NR3C2: variants seen among roughly 807,000 people sequenced by gnomAD.
NR3C2 encodes the protein nuclear receptor subfamily 3 group C member 2.
Under a neutral mutation model 86.4 loss-of-function variants are expected in NR3C2, and 15 were observed. That is an observed-to-expected ratio of 0.17 (90% confidence interval 0.12 to 0.27). The LOEUF (loss-of-function observed/expected upper bound fraction) is 0.27. Ranked by LOEUF, NR3C2 falls within the 10% of genes least tolerant of loss-of-function variation. The pLI, the probability that NR3C2 is intolerant of heterozygous loss-of-function variation, is 1.00. For missense variants in NR3C2, 960 were observed against 1,195.6 expected, an observed-to-expected ratio of 0.80 and a Z score of 2.91; for synonymous variants, 458 against 450.5, an observed-to-expected ratio of 1.02 and a Z score of -0.21.
chr4:148,323,734 C>T (rs1361478230), intron 2 of NR3C2, among the ~76,000 whole-genome samples: 8 of 152,250 alleles, frequency 5.3e-5, no homozygotes, highest in East Asian at 1.9e-4. Context: ...CGCCCTGCTT[C>T]GGCTCGCACA....
intron 2 of NR3C2, among the ~76,000 whole-genome samples, chr4:148,373,178 C>T (rs1348050117): frequency 6.6e-6 from 1 of 152,184 alleles, no homozygotes; most frequent in Non-Finnish European, 1.5e-5. Flanking sequence ...GCTGATGGCA[C>T]TCTTCCTTCT....
In NR3C2 at chr4:148,184,739, C is replaced by A. The variant is rs540869280; in HGVS notation, c.2014+10007G>T. Among the ~76,000 whole-genome samples the A allele has an allele frequency of 2.6e-5, 4 of 152,256 alleles. No individual in the cohort carries two copies. In the South Asian group the frequency reaches 8.3e-4, roughly 32 times the overall value. ...ACAACCAATGGCTGTACCCTTGTGTCATCTAGATTTTAAATTATTAATAAT... is the reference window on the plus strand; with the variant it reads ...ACAACCAATGGCTGTACCCTTGTGTAATCTAGATTTTAAATTATTAATAAT... On this transcript the variant is annotated intron_variant, in intron 4 of 8. Transcript: ENST00000358102.
chr4:148,156,178 T>A (rs1578950791), intron 4 of NR3C2, among the ~76,000 whole-genome samples: 2 of 152,074 alleles, frequency 1.3e-5, no homozygotes, highest in Admixed American at 6.6e-5. Context: ...AACCTAGGCA[T>A]TACCATTCAG....
At chr4:148,405,120 TA>T (rs1399583259) in intron 2 of NR3C2, among the ~76,000 whole-genome samples, 3 of 152,160 alleles carry the variant, frequency 2.0e-5, no homozygotes, top group Non-Finnish European at 2.9e-5. Flanking sequence ...AAAATAAACT[TA>T]TTTTTCTTAA....
chr4:148,310,514 A>G (rs1742853565), intron 2 of NR3C2, among the ~76,000 whole-genome samples: 1 of 152,212 alleles, frequency 6.6e-6, no homozygotes, highest in African/African-American at 2.4e-5. Flanking sequence ...AAAGGCGATT[A>G]TAAGATCTTT....
intron 2 of NR3C2, among the ~76,000 whole-genome samples, chr4:148,406,777 T>C (rs971510855): frequency 6.6e-5 from 10 of 152,192 alleles, no homozygotes; most frequent in African/African-American, 2.4e-5. Flanking sequence ...AAACAATTCA[T>C]TGCTGTCCAA....
intron 2 of NR3C2, among the ~76,000 whole-genome samples, chr4:148,321,801 C>G (rs545554485): frequency 6.6e-6 from 1 of 152,318 alleles, no homozygotes; most frequent in South Asian, 2.1e-4. Flanking sequence ...TTCCTGAATA[C>G]AGCACACTGT....
upstream of NR3C2, chr4:148,443,018 C>T (rs553002422): frequency 3.1e-6 from 3 of 979,330 alleles, no homozygotes; most frequent in Admixed American, 1.8e-4. Flanking sequence ...GGGGAGGACT[C>T]TGGGTGGGCT....
At chr4:148,331,170 T>G (rs1184840206) in intron 2 of NR3C2, among the ~76,000 whole-genome samples, 1 of 146,522 alleles carries the variant, frequency 6.8e-6, no homozygotes, top group Non-Finnish European at 1.5e-5. Flanking sequence ...ATCCATAAGG[T>G]TACTTGACAA....
rs767436437 is a variant in NR3C2, at chr4:148,120,305, GA to G, written c.2511-18del. 4.8e-5 allele frequency: 78 copies of G among 1,613,786 alleles called. No individual in the cohort carries two copies. Among genetic ancestry groups the G allele is most frequent in the Non-Finnish European group, 6.5e-5 (77 of 1,179,874 alleles). On this transcript the variant is annotated intron_variant, in intron 6 of 8. Coordinates refer to ENST00000358102, the MANE Select transcript of NR3C2 (RefSeq NM_000901.5). ...ATCTTCTCTCTGCAAAGGAAAAGAA[GA>G]AAATGTCTGAGAATGCAAGATTCAT...
At chr4:148,294,541 AAC>A (rs1327010905) in intron 2 of NR3C2, among the ~76,000 whole-genome samples, 9 of 140,260 alleles carry the variant, frequency 6.4e-5, no homozygotes, top group Non-Finnish European at 8.0e-5. Context: ...TCCCTCACAA[AAC>A]AGTTTTTTTT....
chr4:148,356,778 A>G (rs1208220363), intron 2 of NR3C2, among the ~76,000 whole-genome samples: 6 of 152,190 alleles, frequency 3.9e-5, no homozygotes, highest in Non-Finnish European at 7.3e-5. Context: ...ACTTTCCCAC[A>G]ACTCTCTGAT....
chr4:148,290,634 C>G (rs1316997885), intron 2 of NR3C2, among the ~76,000 whole-genome samples: 2 of 152,112 alleles, frequency 1.3e-5, no homozygotes, highest in African/African-American at 4.8e-5. Context: ...AATTTTATTC[C>G]ATATCTTCCT....
intron 2 of NR3C2, among the ~76,000 whole-genome samples, chr4:148,284,409 T>C (rs961718603): frequency 3.3e-5 from 5 of 152,128 alleles, no homozygotes; most frequent in African/African-American, 1.2e-4. Context: ...AATCAAAGGA[T>C]AAAAGAACAT....
At chr4:148,433,789 G>C (rs1468182526) in intron 2 of NR3C2, among the ~76,000 whole-genome samples, 2 of 152,124 alleles carry the variant, frequency 1.3e-5, no homozygotes, top group African/African-American at 2.4e-5. Flanking sequence ...TAAAAGTAAA[G>C]CAAAGCACTA....
intron 2 of NR3C2, among the ~76,000 whole-genome samples, chr4:148,347,569 T>G (rs1403296837): frequency 6.6e-6 from 1 of 152,128 alleles, no homozygotes; most frequent in South Asian, 2.1e-4. Context: ...ATAAAATCAG[T>G]GTTCTCTCAA....
chr4:148,243,360 G>C (rs1249745465), intron 3 of NR3C2, among the ~76,000 whole-genome samples: 1 of 152,086 alleles, frequency 6.6e-6, no homozygotes, highest in African/African-American at 2.4e-5. Context: ...TTGGGAAAGA[G>C]GGTCACATGA....
intron 2 of NR3C2, among the ~76,000 whole-genome samples, chr4:148,329,054 T>C (rs1221566302): frequency 1.3e-5 from 2 of 152,178 alleles, no homozygotes; most frequent in African/African-American, 2.4e-5. Context: ...AGGTCAATCA[T>C]AGGTCAAAAT....
intron 2 of NR3C2, among the ~76,000 whole-genome samples, chr4:148,296,258 G>A (rs188542675): frequency 1.3e-5 from 2 of 151,346 alleles, no homozygotes; most frequent in Admixed American, 6.6e-5. Context: ...TTACTTATCT[G>A]TGCTCCAGCA....
Sources: allele counts gnomAD v4.1 joint callset (sites outside exome capture counted in the v4.1 genomes callset), GRCh38; gene constraint gnomAD v4.1.1; transcripts MANE v1.5; gene names NCBI Gene and HGNC (gene_info 2026-07-23, HGNC 2026-07-21).